Variants in MTHFD1 observed in about 807,000 individuals in gnomAD.
MTHFD1 encodes methylenetetrahydrofolate dehydrogenase, cyclohydrolase and formyltetrahydrofolate synthetase 1.
A neutral mutation model predicts 110.3 loss-of-function variants in MTHFD1; 44 were observed. The observed-to-expected ratio is 0.40, with a 90% confidence interval of 0.31 to 0.51. The LOEUF (loss-of-function observed/expected upper bound fraction) is 0.51, where lower values mean the gene tolerates loss of function less well. MTHFD1 is among the 20% of genes least tolerant of loss of function. The pLI, the probability that MTHFD1 is intolerant of heterozygous loss-of-function variation, is 0.60. For synonymous variants in MTHFD1, 402 were observed against 428.8 expected (o/e 0.94, Z 0.77); for missense variants, 909 against 1,173.1 (o/e 0.77, Z 3.29).
Position 64,426,464 on chromosome 14 carries a change from C to CTGT in MTHFD1, c.1127+292_1127+294dup, listed in dbSNP as rs571611271. Among the ~76,000 whole-genome samples, 104 of 152,030 alleles carry CTGT rather than the reference C, an allele frequency of 6.8e-4. No individual in the cohort carries two copies. In the East Asian group the frequency reaches 0.013, roughly 18 times the overall value. On this transcript the variant is annotated intron_variant, in intron 11 of 27. Coordinates refer to ENST00000652337, the MANE Select transcript of MTHFD1 (RefSeq NM_005956.4). ...GGTCTTAAGATAGAATCACCTTTTG[C>CTGT]TGTTGTTGTTGTTGTTGTTGTTTTG...
chr14:64,420,757 C>T (rs958261892), intron 8 of MTHFD1, among the ~76,000 whole-genome samples: 2 of 152,168 alleles, frequency 1.3e-5, no homozygotes, highest in Non-Finnish European at 2.9e-5. Flanking sequence ...CTTAGCCTCA[C>T]ACTAATTTCA....
chr14:64,404,164 A>G (rs769732874), intron 2 of MTHFD1, among the ~76,000 whole-genome samples: 2 of 152,190 alleles, frequency 1.3e-5, no homozygotes, highest in Non-Finnish European at 2.9e-5. Flanking sequence ...TATCAGAACC[A>G]TTATTTTAGG....
At chr14:64,455,869 T>A (rs950850596) in intron 26 of MTHFD1, among the ~76,000 whole-genome samples, 7 of 152,190 alleles carry the variant, frequency 4.6e-5, no homozygotes, top group Non-Finnish European at 5.9e-5. Context: ...CAGTGGTGCT[T>A]AGCACAAATG....
At chr14:64,427,256 C>T in intron 11 of MTHFD1, 81 bp from the exon 12 acceptor site, 1 of 1,479,982 alleles carries the variant, frequency 6.8e-7, no homozygotes, top group Non-Finnish European at 9.4e-7. Flanking sequence ...GAGTCATTCT[C>T]TAGGATCTGC....
rs146785111 is a variant in MTHFD1 at position 64,400,450 on chromosome 14, G to A, written c.42-343G>A. 5.5e-3 allele frequency among the ~76,000 whole-genome samples: 842 copies of A among 152,336 alleles called. 7 individuals carry two copies. Among genetic ancestry groups the A allele is most frequent in the African/African-American group, 0.019 (794 of 41,568 alleles). On this transcript the variant is annotated intron_variant, in intron 1 of 27. Transcript: ENST00000652337. Reference sequence around the variant, plus strand: ...CACGCCTGTAATCCCAGCACTTTGGGAGGCCGAGGTCCTAGATCGCTTGAG... The same window carrying A: ...CACGCCTGTAATCCCAGCACTTTGGAAGGCCGAGGTCCTAGATCGCTTGAG...
chr14:64,433,359 C>G (rs547901589), intron 15 of MTHFD1, among the ~76,000 whole-genome samples: 28 of 151,612 alleles, frequency 1.8e-4, no homozygotes, highest in Non-Finnish European at 3.7e-4. Context: ...CCTCAGGTGA[C>G]CCACCCGCCT....
chr14:64,442,424 C>G (rs979869313), intron 21 of MTHFD1, 22 bp downstream of exon 21: 5 of 1,613,144 alleles, frequency 3.1e-6, no homozygotes, highest in Admixed American at 1.7e-5. Flanking sequence ...GTTGAAGTAT[C>G]TGATTATCGG....
chr14:64,400,019 C>A (rs1439301423), intron 1 of MTHFD1, among the ~76,000 whole-genome samples: 2 of 152,204 alleles, frequency 1.3e-5, no homozygotes, highest in African/African-American at 2.4e-5. Flanking sequence ...AAGCAATCCT[C>A]TTGCCTTAGG....
chr14:64,411,871 A>T (rs2077987969), intron 3 of MTHFD1, among the ~76,000 whole-genome samples: 1 of 152,148 alleles, frequency 6.6e-6, no homozygotes, highest in Non-Finnish European at 1.5e-5. Context: ...ATTGCACTCC[A>T]GCCTGGGCAA....
chr14:64,449,144 C>G, intron 23 of MTHFD1: 1 of 431,640 alleles, frequency 2.3e-6, no homozygotes, highest in Non-Finnish European at 4.3e-6. Context: ...TTCTGGAGTG[C>G]TGGGAATTTT....
chr14:64,458,440 G>C, intron 27 of MTHFD1, 133 bp downstream of exon 27: 1 of 732,088 alleles, frequency 1.4e-6, no homozygotes, highest in African/African-American at 1.7e-5. Flanking sequence ...CTTCCCTGAG[G>C]GGAGAGGGGA....
chr14:64,439,092 G>A lies in MTHFD1; in HGVS notation c.1598-4G>A, dbSNP rs1344873142. The A allele has an allele frequency of 1.2e-6, 2 of 1,612,226 alleles. No individual in the cohort carries two copies. The highest frequency in any genetic ancestry group is 1.3e-5 in the African/African-American group (1 of 75,008). On this transcript the variant is annotated splice_polypyrimidine_tract_variant and splice_region_variant and intron_variant, in intron 16 of 27. Coordinates refer to ENST00000652337, the MANE Select transcript of MTHFD1 (RefSeq NM_005956.4). ...TCGTTCTATATCTTGCCTGTCTGCT[G>A]TAGTGTTGGATACCAATGATAGATT...
chr14:64,446,718 A>G (rs1376428249), intron 22 of MTHFD1, among the ~76,000 whole-genome samples: 2 of 151,818 alleles, frequency 1.3e-5, no homozygotes, highest in Non-Finnish European at 2.9e-5. Context: ...ATTTTTTTGT[A>G]TTTTTAGTTG....
At chr14:64,456,653 GTGTCT>G (rs1596570569) in intron 26 of MTHFD1, among the ~76,000 whole-genome samples, 1 of 152,134 alleles carries the variant, frequency 6.6e-6, no homozygotes, top group East Asian at 1.9e-4. Flanking sequence ...TTTTTCTGCT[GTGTCT>G]AAGGACCCAT....
At chr14:64,440,609 C>G in intron 18 of MTHFD1, 1 of 360,620 alleles carries the variant, frequency 2.8e-6, no homozygotes, top group Non-Finnish European at 5.4e-6. Flanking sequence ...TTCAGCTACA[C>G]TTTGATGGCT....
intron 3 of MTHFD1, among the ~76,000 whole-genome samples, chr14:64,411,637 C>T (rs373499976): frequency 2.6e-5 from 4 of 152,192 alleles, no homozygotes; most frequent in South Asian, 4.1e-4. Context: ...CGGTGGCTCA[C>T]GCCAGTAATC....
chr14:64,450,151 C>A (rs2078347192), intron 24 of MTHFD1, among the ~76,000 whole-genome samples: 1 of 152,168 alleles, frequency 6.6e-6, no homozygotes, highest in African/African-American at 2.4e-5. Flanking sequence ...AGCAGGAATA[C>A]CCCAGGGTGG....
At chr14:64,423,059 A>T (rs1036811423) in intron 8 of MTHFD1, 2 of 152,180 alleles carry the variant, frequency 1.3e-5, no homozygotes, top group Non-Finnish European at 2.9e-5. Flanking sequence ...CAGTGTGAAG[A>T]CGATTGAAAC....
rs74058121 is a variant in MTHFD1, at chr14:64,456,198, C to T, written c.2718+1323C>T. 5.4e-3 allele frequency among the ~76,000 whole-genome samples: 786 copies of T among 146,130 alleles called. 8 individuals carry two copies. The highest frequency in any genetic ancestry group is 0.018 in the African/African-American group (755 of 41,134). ...AGTCAGGCTGTAAGGTGGAGAGAGA[C>T]ACAGCCTGCCGAACTCAAGACTTTC... On this transcript the variant is annotated intron_variant, in intron 26 of 27. Coordinates refer to ENST00000652337, the MANE Select transcript of MTHFD1 (RefSeq NM_005956.4).
Sources: allele counts gnomAD v4.1 joint callset (sites outside exome capture counted in the v4.1 genomes callset), GRCh38; gene constraint gnomAD v4.1.1; transcripts MANE v1.5; gene names NCBI Gene and HGNC (gene_info 2026-07-23, HGNC 2026-07-21).